The following HMGN4 variants were observed in gnomAD, a reference collection of about 807,000 sequenced individuals.
HMGN4 encodes the protein high mobility group nucleosomal binding domain 4.
For synonymous variants in HMGN4, 39 were observed against 39.1 expected (o/e 1.00, Z 0.01); for missense variants, 69 against 104.9 (o/e 0.66, Z 1.49).
Position 26,543,768 on chromosome 6 carries a change from C to CAA in HMGN4, c.-80-1333_-80-1332dup, listed in dbSNP as rs60635902. Among the ~76,000 whole-genome samples, 41 of 38,324 alleles carry CAA rather than the reference C, an allele frequency of 1.1e-3. 2 individuals are homozygous for CAA. The highest frequency in any genetic ancestry group is 1.9e-3 in the African/African-American group (13 of 6,834). The allele number at this position is 38,324 out of a possible 152,430, so 25.1% of individuals were successfully genotyped here. On this transcript the variant is annotated intron_variant, in intron 1 of 1. Coordinates refer to ENST00000377575, the MANE Select transcript of HMGN4 (RefSeq NM_006353.3). ...AGAACGAGACTCTGAGACTCTATCT[C>CAA]AAAAAAAAAAAAAAAAAAAAAAAAA...
At chr6:26,540,455 T>C (rs6913550) in intron 1 of HMGN4, among the ~76,000 whole-genome samples, 127,584 of 151,880 alleles carry the variant, frequency 0.84, 54,055 homozygotes, top group African/African-American at 0.93. Flanking sequence ...CTGCCTCAGC[T>C]TCCCAAGTAG....
At chr6:26,541,856 C>T (rs989850097) in intron 1 of HMGN4, among the ~76,000 whole-genome samples, 18 of 152,124 alleles carry the variant, frequency 1.2e-4, no homozygotes, top group Admixed American at 3.9e-4. Flanking sequence ...GCAATGAAGA[C>T]GAGTGATTCA....
rs1399438839 is a variant in HMGN4 at position 26,546,201 on chromosome 6, A to G, written c.*722A>G. On this transcript the variant is annotated 3_prime_UTR_variant, in exon 2 of 2. Transcript: ENST00000377575. ...AGATTGTTGCCTATTTCCTGCTGAA[A>G]GTAAATGTTTTTAAAAAGTATCATA... 1 of 167,108 alleles carries G rather than the reference A, an allele frequency of 6.0e-6. No individual in the cohort carries two copies. Among genetic ancestry groups the G allele is most frequent in the Non-Finnish European group, 1.5e-5 (1 of 68,120 alleles). 10.4% of individuals were successfully genotyped at this position (167,108 alleles called of 1,614,324 possible).
intron 1 of HMGN4, among the ~76,000 whole-genome samples, chr6:26,541,194 G>T (rs1010069531): frequency 6.6e-6 from 1 of 152,104 alleles, no homozygotes; most frequent in East Asian, 1.9e-4. Context: ...TTACAGGCAC[G>T]CACCACCACC....
At chr6:26,543,393 G>A (rs1281085311) in intron 1 of HMGN4, among the ~76,000 whole-genome samples, 1 of 136,258 alleles carries the variant, frequency 7.3e-6, no homozygotes, top group Non-Finnish European at 1.5e-5. Flanking sequence ...TAGATCAGTA[G>A]AACTGTATGT....
rs1378948124 is a variant in HMGN4, at chr6:26,545,276, A to T, written c.70A>T (p.Arg24Ter). 1 of 1,614,030 alleles carries T rather than the reference A, an allele frequency of 6.2e-7. No individual in the cohort carries two copies. Among genetic ancestry groups the T allele is most frequent in the South Asian group, 1.1e-5 (1 of 91,084 alleles). The part of the protein sequence containing the change: ...KAKVKDEPQR[R>*]SARLSAKPAP... ...AAAGGTGAAGGATGAGCCACAGAGG[A>T]GATCAGCTCGGTTGTCTGCTAAACC... Residue 24 changes from arginine (R) to a stop codon, truncating the protein, a stop_gained, in exon 2 of 2, where the codon AGA becomes TGA. Coordinates refer to ENST00000377575, the MANE Select transcript of HMGN4 (RefSeq NM_006353.3). LOFTEE classifies it low-confidence loss of function (END_TRUNC).
In HMGN4 at chr6:26,545,427, A is replaced by G. The variant is rs1561896013; in HGVS notation, c.221A>G (p.Asp74Gly). The change falls in exon 2 of 2, where the codon GAT becomes GGT. Residue 74 changes from aspartate to glycine, a missense_variant. By Grantham distance (94) the Asp-to-Gly change is moderately conservative. Coordinates refer to ENST00000377575, the MANE Select transcript of HMGN4 (RefSeq NM_006353.3). ...KDGNNPAKNR[D>G]ASTLQSQKAE... ...GGGAACAACCCTGCAAAAAACCGAG[A>G]TGCCTCTACACTCCAGTCCCAGAAA... is the stretch of plus-strand genomic sequence containing the variant. The G allele has an allele frequency of 1.2e-6, 2 of 1,608,280 alleles. No individual in the cohort carries two copies. The highest frequency in any genetic ancestry group is 4.5e-5 in the East Asian group (2 of 44,856).
At chr6:26,538,848 A>G (rs879297097) in intron 1 of HMGN4, among the ~76,000 whole-genome samples, 1 of 152,172 alleles carries the variant, frequency 6.6e-6, no homozygotes, top group Admixed American at 6.5e-5. Context: ...GTGGCCTTAA[A>G]GAGGTGGTGA....
chr6:26,545,300 C>T lies in HMGN4; in HGVS notation c.94C>T (p.Pro32Ser), dbSNP rs747070546. ...QRRSARLSAK[P>S]APPKPEPRPK... ...GAGATCAGCTCGGTTGTCTGCTAAA[C>T]CAGCTCCTCCAAAACCAGAGCCCAG... The change falls in exon 2 of 2, where the codon CCA becomes TCA. Residue 32 changes from proline (P) to serine (S), a missense_variant. Pro to Ser is a moderately conservative substitution (Grantham distance 74). Transcript: ENST00000377575. 6 of 1,614,130 alleles carry T rather than the reference C, an allele frequency of 3.7e-6. No individual in the cohort carries two copies. The South Asian group carries it at 4.4e-5, about 12-fold the overall frequency.
intron 1 of HMGN4, among the ~76,000 whole-genome samples, chr6:26,541,360 C>T (rs1335735132): frequency 6.6e-6 from 1 of 152,196 alleles, no homozygotes. Context: ...ACTGTTCCCT[C>T]CTATGTTAGT....
In HMGN4 at chr6:26,540,494, C is replaced by G. The variant is rs559732092; in HGVS notation, c.-81+1993C>G. Among the ~76,000 whole-genome samples the G allele has an allele frequency of 1.6e-4, 25 of 152,186 alleles. No homozygotes were observed. In the South Asian group the frequency reaches 3.7e-3, roughly 23 times the overall value. On this transcript the variant is annotated intron_variant, in intron 1 of 1. Transcript: ENST00000377575. ...GGACTATAGGCATATGCCACCACAC[C>G]CAGCTAATTTTTGTATTTTTAGTAG...
intron 1 of HMGN4, among the ~76,000 whole-genome samples, chr6:26,543,421 CTT>C (rs70977285): frequency 1.0e-4 from 8 of 80,124 alleles, no homozygotes; most frequent in Non-Finnish European, 6.6e-5. Context: ...GCACCATTAC[CTT>C]TTTTTTTTTT....
rs1221396487 is a variant in HMGN4 at position 26,542,688 on chromosome 6, AG to A, written c.-80-2438del. ...TCCCACATTTGTAAGGTCTCTAGAG[AG>A]TCAGTGACCTGGTCTCCTAATCAGC... On this transcript the variant is annotated intron_variant, in intron 1 of 1. Coordinates refer to ENST00000377575, the MANE Select transcript of HMGN4 (RefSeq NM_006353.3). The surrounding 1 kb of genome is among the most constrained non-coding windows in gnomAD (Gnocchi z 4.6). Among the ~76,000 whole-genome samples, 1 of 152,146 alleles carries A rather than the reference AG, an allele frequency of 6.6e-6. No individual in the cohort carries two copies. The highest frequency in any genetic ancestry group is 1.5e-5 in the Non-Finnish European group (1 of 68,026).
At position 26,545,794 on chromosome 6, in the gene HMGN4, G is replaced by A. The variant is rs1417434089; in HGVS notation, c.*315G>A. On this transcript the variant is annotated 3_prime_UTR_variant, in exon 2 of 2. Coordinates refer to ENST00000377575, the MANE Select transcript of HMGN4 (RefSeq NM_006353.3). ...CACTTTGGCACGGAAGCCTTACAGT[G>A]TGGGGAACCAAAACTTCGTGTCTCC... 2.2e-5 allele frequency: 4 copies of A among 182,352 alleles called. No homozygotes were observed. The highest frequency in any genetic ancestry group is 5.1e-5 in the Non-Finnish European group (4 of 78,422). The allele number at this position is 182,352 out of a possible 1,614,324, so 11.3% of individuals were successfully genotyped here.
At chr6:26,538,882 G>C (rs1030486249) in intron 1 of HMGN4, among the ~76,000 whole-genome samples, 1 of 152,216 alleles carries the variant, frequency 6.6e-6, no homozygotes, top group Non-Finnish European at 1.5e-5. Flanking sequence ...CTGACCTGCC[G>C]TGGGCTCTCC....
At position 26,543,334 on chromosome 6, in the gene HMGN4, G is replaced by T. The variant is rs183487538; in HGVS notation, c.-80-1793G>T. On this transcript the variant is annotated intron_variant, in intron 1 of 1. Coordinates refer to ENST00000377575, the MANE Select transcript of HMGN4 (RefSeq NM_006353.3). ...AGACAAAAATTAGCAATAAATTCATGTAATGTCTAGGCAAGGATTTCTTCA... is the reference window on the plus strand; with the variant it reads ...AGACAAAAATTAGCAATAAATTCATTTAATGTCTAGGCAAGGATTTCTTCA... 1.2e-4 allele frequency among the ~76,000 whole-genome samples: 18 copies of T among 148,006 alleles called. No individual in the cohort carries two copies. In the East Asian group the frequency reaches 3.6e-3, roughly 30 times the overall value.
chr6:26,543,384 A>T (rs1019335852), intron 1 of HMGN4, among the ~76,000 whole-genome samples: 1 of 142,664 alleles, frequency 7.0e-6, no homozygotes, highest in Admixed American at 7.1e-5. Context: ...AGGTGTAGTT[A>T]GATCAGTAGA....
In HMGN4 at chr6:26,539,105, A is replaced by G. The variant is rs1056734746; in HGVS notation, c.-81+604A>G. 2.0e-5 allele frequency among the ~76,000 whole-genome samples: 3 copies of G among 152,356 alleles called. No homozygotes were observed. In the South Asian group the frequency reaches 6.2e-4, roughly 32 times the overall value. On this transcript the variant is annotated intron_variant, in intron 1 of 1. Transcript: ENST00000377575. The stretch of plus-strand genomic sequence containing the variant: ...GGCTTGCTTACAAGTTAATCGGATT[A>G]ATCAAACGCTTTTATGAGAAAGTTT...
intron 1 of HMGN4, among the ~76,000 whole-genome samples, chr6:26,539,493 A>C (rs2113580421): frequency 6.6e-6 from 1 of 151,640 alleles, no homozygotes; most frequent in Non-Finnish European, 1.5e-5. Flanking sequence ...CTGGTCTCAA[A>C]CTCCTGACCT....
Sources: allele counts gnomAD v4.1 joint callset (sites outside exome capture counted in the v4.1 genomes callset), GRCh38; gene constraint gnomAD v4.1.1; non-coding constraint Gnocchi (gnomAD v3.1); transcripts MANE v1.5; gene names NCBI Gene and HGNC (gene_info 2026-07-23, HGNC 2026-07-21).